The following SLC7A6 variants were observed in gnomAD, a reference collection of about 807,000 sequenced individuals.
The protein encoded by SLC7A6 is solute carrier family 7 member 6, also known as Y+L amino acid transporter 2.
In SLC7A6, 29 loss-of-function variants were observed where a neutral mutation model predicts 46.6. That is an observed-to-expected ratio of 0.62 (90% CI 0.46 to 0.85). The LOEUF is 0.85. SLC7A6 is among the 40% of genes least tolerant of loss of function. SLC7A6 has a pLI of 0.00. For synonymous variants in SLC7A6, 276 were observed against 257.3 expected, an observed-to-expected ratio of 1.07 and a Z score of -0.70; for missense variants, 527 against 647.6, an observed-to-expected ratio of 0.81 and a Z score of 2.02.
intron 3 of SLC7A6, among the ~76,000 whole-genome samples, chr16:68,279,649 C>T (rs1381697079): frequency 1.3e-5 from 2 of 152,324 alleles, no homozygotes; most frequent in African/African-American, 4.8e-5. Context: ...AGTGATTCTC[C>T]TGCCTCAGCC....
intron 3 of SLC7A6, among the ~76,000 whole-genome samples, chr16:68,280,547 C>A (rs1465733744): frequency 1.3e-5 from 2 of 152,010 alleles, no homozygotes; most frequent in African/African-American, 4.8e-5. Flanking sequence ...AAATTCCTGC[C>A]CGATAAAATA....
chr16:68,288,369 A>C (rs2042980052), intron 4 of SLC7A6, among the ~76,000 whole-genome samples: 1 of 152,236 alleles, frequency 6.6e-6, no homozygotes, highest in Non-Finnish European at 1.5e-5. Flanking sequence ...CAGCTCTCAG[A>C]AAAATATTAA....
At chr16:68,291,762 G>GTGTGTGTGTGTGTGT in intron 7 of SLC7A6, 101 bp downstream of exon 7, 3 of 545,992 alleles carry the variant, frequency 5.5e-6, no homozygotes, top group Non-Finnish European at 9.6e-6. Flanking sequence ...GGGCATATAG[G>GTGTGTGTGTGTGTGT]GTGTGTGTGT....
Position 68,300,998 on chromosome 16 carries a change from A to C in SLC7A6, c.*3670A>C. 9.3e-7 allele frequency: 1 copy of C among 1,074,182 alleles called. No individual in the cohort carries two copies. Among genetic ancestry groups the C allele is most frequent in the Non-Finnish European group, 1.1e-6 (1 of 887,956 alleles). 66.5% of individuals were successfully genotyped at this position (1,074,182 alleles called of 1,614,324 possible). A position where few individuals can be genotyped will look rare whatever the true frequency, so the allele number is the denominator to read the frequency against. On this transcript the variant is annotated 3_prime_UTR_variant, in exon 11 of 11. Coordinates refer to ENST00000219343, the MANE Select transcript of SLC7A6 (RefSeq NM_003983.6). ...GGAAAAATTCCTGGGCCAAGAAGCTAAAGCTAAAGAAACCTTCCTTTTTTC... is the reference window on the plus strand; with the variant it reads ...GGAAAAATTCCTGGGCCAAGAAGCTCAAGCTAAAGAAACCTTCCTTTTTTC...
In SLC7A6 at chr16:68,298,080, TAC is replaced by T. The variant is rs1448359763; in HGVS notation, c.*754_*755del. The T allele has an allele frequency of 1.3e-5, 2 of 152,768 alleles. No individual in the cohort carries two copies. Among genetic ancestry groups the T allele is most frequent in the African/African-American group, 4.8e-5 (2 of 41,564 alleles). 9.5% of individuals were successfully genotyped at this position (152,768 alleles called of 1,614,324 possible). ...CTCACGTACCTGTTACACTTTAGCATACAGATAGATCATAGATCACGTTACAA... is the reference window on the plus strand; with the variant it reads ...CTCACGTACCTGTTACACTTTAGCATAGATAGATCATAGATCACGTTACAA... On this transcript the variant is annotated 3_prime_UTR_variant, in exon 11 of 11. Coordinates refer to ENST00000219343, the MANE Select transcript of SLC7A6 (RefSeq NM_003983.6).
rs1388024505 is a variant in SLC7A6, at chr16:68,299,980, G to C, written c.*2652G>C. ...GAATGATGGCAGGTAGGATGAAGGA[G>C]AGATACTTAGGAAATCCTAAAAGAG... On this transcript the variant is annotated 3_prime_UTR_variant, in exon 11 of 11. Transcript: ENST00000219343. The C allele has an allele frequency of 6.6e-6, 1 of 152,140 alleles. No individual in the cohort carries two copies. The highest frequency in any genetic ancestry group is 1.5e-5 in the Non-Finnish European group (1 of 68,038). 9.4% of individuals were successfully genotyped at this position (152,140 alleles called of 1,614,324 possible). A position where few individuals can be genotyped will look rare whatever the true frequency, so the allele number is the denominator to read the frequency against.
rs2042682060 is a variant in SLC7A6, at chr16:68,274,921, C to T, written c.195C>T (p.Val65=). 6.2e-7 allele frequency: 1 copy of T among 1,614,212 alleles called. No homozygotes were observed. The highest frequency in any genetic ancestry group is 8.5e-7 in the Non-Finnish European group (1 of 1,180,030). The change falls in exon 3 of 11, where the codon GTC becomes GTT. Residue 65 remains valine (V), a synonymous_variant. Coordinates refer to ENST00000219343, the MANE Select transcript of SLC7A6 (RefSeq NM_003983.6). ...VGNMIGSGIF[V]SPKGVLVHTA... ...ACATGATCGGCTCAGGGATCTTTGT[C>T]TCACCCAAGGGTGTGCTGGTACACA...
chr16:68,290,192 T>G, intron 4 of SLC7A6: 1 of 566,518 alleles, frequency 1.8e-6, no homozygotes, highest in Non-Finnish European at 3.1e-6. Flanking sequence ...TGTTGATCTT[T>G]TGGTGTTAAA....
rs560483349 is a variant in SLC7A6, at chr16:68,277,958, G to A, written c.523+2709G>A. 7.5e-5 allele frequency among the ~76,000 whole-genome samples: 11 copies of A among 147,156 alleles called. No individual in the cohort carries two copies. The South Asian group carries it at 2.1e-3, about 28-fold the overall frequency. ...ATTATTATTATTATTTTTCTTTTTT[G>A]AGACCGAGTCTTGCTCTGTCGCCTA... On this transcript the variant is annotated intron_variant, in intron 3 of 10. Coordinates refer to ENST00000219343, the MANE Select transcript of SLC7A6 (RefSeq NM_003983.6).
Position 68,274,901 on chromosome 16 carries a change from A to G in SLC7A6, c.175A>G (p.Ile59Val). ...GGTCAGCCTGGTGGTGGGCAACATG[A>G]TCGGCTCAGGGATCTTTGTCTCACC... is the stretch of plus-strand genomic sequence containing the variant. ...NGVSLVVGNMIGSGIFVSPKG... is the reference protein window; with the variant it reads ...NGVSLVVGNMVGSGIFVSPKG... Residue 59 changes from isoleucine to valine, a missense_variant, in exon 3 of 11, where the codon ATC (isoleucine) becomes GTC (valine). Ile to Val is a conservative substitution (Grantham distance 29). Transcript: ENST00000219343. The G allele has an allele frequency of 6.2e-7, 1 of 1,614,190 alleles. No homozygotes were observed. The highest frequency in any genetic ancestry group is 8.5e-7 in the Non-Finnish European group (1 of 1,180,026).
chr16:68,298,120 G>C lies in SLC7A6; in HGVS notation c.*792G>C, dbSNP rs2043207475. On this transcript the variant is annotated 3_prime_UTR_variant, in exon 11 of 11. Coordinates refer to ENST00000219343, the MANE Select transcript of SLC7A6 (RefSeq NM_003983.6). ...GATCACGTTACAAGCACTTGGCTCA[G>C]GTCCAGCAAGGACAGATGAACAAAT... The C allele has an allele frequency of 6.6e-6, 1 of 152,650 alleles. No homozygotes were observed. The highest frequency in any genetic ancestry group is 1.5e-5 in the Non-Finnish European group (1 of 68,034). 9.5% of individuals were successfully genotyped at this position (152,650 alleles called of 1,614,324 possible).
intron 2 of SLC7A6, chr16:68,273,851 G>A (rs145180247): frequency 2.9e-3 from 434 of 149,766 alleles, no homozygotes; most frequent in Middle Eastern, 0.01. Context: ...TGCAACCTCC[G>A]ACTCCCTGGT....
rs374576882 is a variant in SLC7A6, at chr16:68,297,141, G to A, written c.1454-93G>A. ...ATAGGGTACTTAAGGGGCAGGTGGC[G>A]AGGGAGCCATAGATGTTACTAGTCA... On this transcript the variant is annotated intron_variant, in intron 10 of 10. Coordinates refer to ENST00000219343, the MANE Select transcript of SLC7A6 (RefSeq NM_003983.6). 1.1e-4 allele frequency: 136 copies of A among 1,192,156 alleles called. 1 individual carries two copies. The African/African-American group carries it at 1.9e-3, about 17-fold the overall frequency. The allele number at this position is 1,192,156 out of a possible 1,614,324, so 73.8% of individuals were successfully genotyped here. A position where few individuals can be genotyped will look rare whatever the true frequency, so the allele number is the denominator to read the frequency against.
In SLC7A6 at chr16:68,301,320, C is replaced by T; in HGVS notation, c.*3992C>T. ...GGGGGCTGTCATAGCCGAACTCCTT[C>T]TGCACATCCAGAGGGTACTTGCTCC... On this transcript the variant is annotated 3_prime_UTR_variant, in exon 11 of 11. Coordinates refer to ENST00000219343, the MANE Select transcript of SLC7A6 (RefSeq NM_003983.6). 6.2e-7 allele frequency: 1 copy of T among 1,614,180 alleles called. No individual in the cohort carries two copies.
At chr16:68,290,691 A>G (rs1388838005) in intron 5 of SLC7A6, 151 bp downstream of exon 5, 3 of 918,590 alleles carry the variant, frequency 3.3e-6, no homozygotes, top group Non-Finnish European at 5.0e-6. Flanking sequence ...GCTGAGGGCT[A>G]GAATGGGAGT....
chr16:68,271,975 T>C (rs995803461), intron 2 of SLC7A6, among the ~76,000 whole-genome samples: 3 of 152,076 alleles, frequency 2.0e-5, no homozygotes, highest in African/African-American at 7.2e-5. Flanking sequence ...CTAAATTTTT[T>C]TGTATTTTTA....
At chr16:68,269,656 A>G (rs992189384) in intron 2 of SLC7A6, among the ~76,000 whole-genome samples, 1 of 151,932 alleles carries the variant, frequency 6.6e-6, no homozygotes, top group Non-Finnish European at 1.5e-5. Flanking sequence ...TGGGAGGCTG[A>G]GGCAGGAGAA....
At chr16:68,271,686 A>T (rs1420769773) in intron 2 of SLC7A6, among the ~76,000 whole-genome samples, 1 of 152,188 alleles carries the variant, frequency 6.6e-6, no homozygotes, top group African/African-American at 2.4e-5. Context: ...GGACTTAGTC[A>T]TGTGCTCTTG....
At chr16:68,296,958 T>C in intron 10 of SLC7A6, 148 bp downstream of exon 10, 2 of 861,764 alleles carry the variant, frequency 2.3e-6, no homozygotes, top group Non-Finnish European at 3.6e-6. Context: ...GATTTTGACA[T>C]GATCACTTTA....
Sources: gnomAD v4.1 joint callset for allele counts (sites outside exome capture counted in the v4.1 genomes callset) on GRCh38, gnomAD v4.1.1 for gene constraint, MANE v1.5 for transcripts, NCBI Gene and HGNC (gene_info 2026-07-23, HGNC 2026-07-21) for gene names.